Variants in CNTN4 observed in about 807,000 individuals in gnomAD.
CNTN4 encodes contactin-4.
CNTN4 carries 77 observed loss-of-function variants against 122.5 expected under a neutral mutation model. The observed-to-expected ratio is 0.63, with a 90% CI of 0.52 to 0.76. The LOEUF (loss-of-function observed/expected upper bound fraction) is 0.76. Ranked by LOEUF, CNTN4 falls within the 30% of genes least tolerant of loss-of-function variation. The pLI is 0.00. For synonymous variants in CNTN4, 512 were observed against 447.0 expected (o/e 1.15, Z -1.83); for missense variants, 1,256 against 1,259.1 (o/e 1.00, Z 0.04).
At position 2,281,799 on chromosome 3, in the gene CNTN4, G is replaced by C. The variant is rs150890966; in HGVS notation, c.-144-57379G>C. On this transcript the variant is annotated intron_variant, in intron 2 of 24. Transcript: ENST00000418658. The stretch of plus-strand genomic sequence containing the variant: ...GTCGAATTGTGTTATTTCTCTGCTC[G>C]TCTAGCATCATCTTGCTGTATGGAG... Among the ~76,000 whole-genome samples, 893 of 152,088 alleles carry C rather than the reference G, an allele frequency of 5.9e-3. 12 individuals are homozygous for C. The highest frequency in any genetic ancestry group is 0.021 in the African/African-American group (852 of 41,492).
intron 3 of CNTN4, among the ~76,000 whole-genome samples, chr3:2,552,643 T>C (rs1672539372): frequency 1.3e-5 from 2 of 152,184 alleles, no homozygotes. Context: ...TCTGTGGACA[T>C]CTAGAAAAGT....
intron 3 of CNTN4, among the ~76,000 whole-genome samples, chr3:2,483,186 G>C (rs905381628): frequency 2.1e-4 from 32 of 152,316 alleles, no homozygotes; most frequent in African/African-American, 7.5e-4. Flanking sequence ...TGAGACATGG[G>C]AGTTAAAGGA....
chr3:2,778,413 T>C (rs538052660), intron 6 of CNTN4, among the ~76,000 whole-genome samples: 1 of 146,722 alleles, frequency 6.8e-6, no homozygotes, highest in East Asian at 2.0e-4. Context: ...GAGCCACTCA[T>C]GATTTTTTAA....
At chr3:2,806,645 T>C (rs1653636231) in intron 6 of CNTN4, among the ~76,000 whole-genome samples, 1 of 152,234 alleles carries the variant, frequency 6.6e-6, no homozygotes, top group South Asian at 2.1e-4. Flanking sequence ...GGGAGCTGTT[T>C]TTAACTTTTA....
intron 3 of CNTN4, among the ~76,000 whole-genome samples, chr3:2,406,075 A>AATTGTTGCAG (rs1353873920): frequency 6.6e-6 from 1 of 152,096 alleles, no homozygotes; most frequent in Non-Finnish European, 1.5e-5. Context: ...CTATGGTAAT[A>AATTGTTGCAG]ATTGTTGCAG....
chr3:2,395,703 G>A (rs562931692), intron 3 of CNTN4, among the ~76,000 whole-genome samples: 2 of 152,148 alleles, frequency 1.3e-5, no homozygotes, highest in Admixed American at 6.5e-5. Flanking sequence ...TGTGGTATTT[G>A]GTTTTTCTGT....
chr3:2,477,553 A>C (rs2075867706), intron 3 of CNTN4, among the ~76,000 whole-genome samples: 1 of 152,182 alleles, frequency 6.6e-6, no homozygotes, highest in African/African-American at 2.4e-5. Flanking sequence ...CAGCCCAGTT[A>C]GAAAGCACCT....
At chr3:2,619,967 T>C (rs2081930791) in intron 4 of CNTN4, among the ~76,000 whole-genome samples, 1 of 151,422 alleles carries the variant, frequency 6.6e-6, no homozygotes, top group Non-Finnish European at 1.5e-5. Flanking sequence ...TACCTGGTAC[T>C]TTTTTCCCCT....
At chr3:2,206,578 T>C (rs1221857158) in intron 2 of CNTN4, among the ~76,000 whole-genome samples, 2 of 152,146 alleles carry the variant, frequency 1.3e-5, no homozygotes, top group Admixed American at 6.6e-5. Context: ...AAGACAGTGA[T>C]ACCAGGAATG....
rs1328915144 is a variant in CNTN4, at chr3:2,558,430, A to C, written c.-88-12986A>C. On this transcript the variant is annotated intron_variant, in intron 3 of 24. Coordinates refer to ENST00000418658, the MANE Select transcript of CNTN4 (RefSeq NM_175607.3). Reference sequence around the variant, plus strand: ...GATCCTGACACTTTTGAAAACTACTAGTCAATCTTGTTGTAGAATATTACT... The same window carrying C: ...GATCCTGACACTTTTGAAAACTACTCGTCAATCTTGTTGTAGAATATTACT... Among the ~76,000 whole-genome samples the C allele has an allele frequency of 2.0e-5, 3 of 152,182 alleles. No individual in the cohort carries two copies. The South Asian group carries it at 6.2e-4, about 32-fold the overall frequency.
intron 6 of CNTN4, among the ~76,000 whole-genome samples, chr3:2,760,850 T>C (rs997990213): frequency 2.0e-5 from 3 of 152,196 alleles, no homozygotes; most frequent in Non-Finnish European, 4.4e-5. Flanking sequence ...CCTTACTCCT[T>C]TTCTCAGGGT....
At chr3:2,186,982 T>C (rs969583261) in intron 2 of CNTN4, among the ~76,000 whole-genome samples, 8 of 152,212 alleles carry the variant, frequency 5.3e-5, no homozygotes, top group Admixed American at 6.5e-5. Flanking sequence ...TTTGGTGTTT[T>C]AGACATGAAG....
intron 14 of CNTN4, among the ~76,000 whole-genome samples, chr3:3,018,491 G>A (rs887299832): frequency 6.6e-6 from 1 of 152,146 alleles, no homozygotes; most frequent in African/African-American, 2.4e-5. Context: ...CAGTGAGTGA[G>A]GATGCAGAAT....
intron 6 of CNTN4, among the ~76,000 whole-genome samples, chr3:2,751,705 C>T (rs1386348291): frequency 2.0e-5 from 3 of 152,054 alleles, no homozygotes; most frequent in South Asian, 2.1e-4. Flanking sequence ...CCCAGCATCC[C>T]GGTCTAAATC....
intron 18 of CNTN4, among the ~76,000 whole-genome samples, chr3:3,038,217 T>C (rs1177849335): frequency 6.6e-6 from 1 of 152,144 alleles, no homozygotes; most frequent in Non-Finnish European, 1.5e-5. Context: ...GTCCCCTGCT[T>C]TCTTTTCCCC....
At chr3:2,554,196 C>T (rs2078627230) in intron 3 of CNTN4, among the ~76,000 whole-genome samples, 1 of 152,106 alleles carries the variant, frequency 6.6e-6, no homozygotes, top group South Asian at 2.1e-4. Context: ...AAATTTCTGG[C>T]ATGTTTAGTG....
At chr3:2,824,678 T>C (rs2092949899) in intron 7 of CNTN4, among the ~76,000 whole-genome samples, 1 of 152,154 alleles carries the variant, frequency 6.6e-6, no homozygotes. Context: ...TACTTATTTT[T>C]TGAAATGGAG....
chr3:2,990,961 A>T (rs913019349), intron 14 of CNTN4, among the ~76,000 whole-genome samples: 1 of 152,206 alleles, frequency 6.6e-6, no homozygotes, highest in African/African-American at 2.4e-5. Flanking sequence ...TAATAACAAC[A>T]ATATTTCAAA....
At chr3:2,860,742 T>G (rs1023085738) in intron 7 of CNTN4, among the ~76,000 whole-genome samples, 3 of 144,592 alleles carry the variant, frequency 2.1e-5, no homozygotes, top group African/African-American at 7.8e-5. Context: ...TTAGTATAAT[T>G]AAAATGTCAT....
Sources: gnomAD v4.1 joint callset for allele counts (sites outside exome capture counted in the v4.1 genomes callset) on GRCh38, gnomAD v4.1.1 for gene constraint, MANE v1.5 for transcripts, NCBI Gene and HGNC (gene_info 2026-07-23, HGNC 2026-07-21) for gene names.